The following CCDC57 variants were observed in gnomAD, a reference collection of about 807,000 sequenced individuals.
CCDC57 encodes coiled-coil domain-containing protein 57.
CCDC57 carries 118 observed loss-of-function variants against 118.9 expected under a neutral mutation model. That is an observed-to-expected ratio of 0.99 (90% confidence interval 0.86 to 1.16). The LOEUF is 1.16. Ranked by LOEUF, CCDC57 falls within the 50% of genes most tolerant of loss-of-function variation. The pLI, the probability that CCDC57 is intolerant of heterozygous loss-of-function variation, is 0.00. For missense variants in CCDC57, 1,300 were observed against 1,320.7 expected (o/e 0.98, Z 0.24); for synonymous variants, 527 against 532.9 (o/e 0.99, Z 0.15).
intron 2 of CCDC57, among the ~76,000 whole-genome samples, chr17:82,205,449 C>T (rs1291544939): frequency 6.6e-6 from 1 of 152,164 alleles, no homozygotes; most frequent in Non-Finnish European, 1.5e-5. Context: ...AAATAAAGTC[C>T]GATCTCCTTG....
intron 1 of CCDC57, among the ~76,000 whole-genome samples, chr17:82,211,264 A>C (rs529455098): frequency 6.6e-6 from 1 of 152,232 alleles, no homozygotes; most frequent in East Asian, 1.9e-4. Context: ...ATATGAAATC[A>C]ATTATGACAA....
rs759350359 is a variant in CCDC57, at chr17:82,127,689, T to C, written c.2899+3A>G. 3.8e-6 allele frequency: 6 copies of C among 1,596,954 alleles called. No homozygotes were observed. The Admixed American group carries it at 8.8e-5, about 24-fold the overall frequency. On this transcript the variant is annotated splice_donor_region_variant and intron_variant, in intron 19 of 19. Coordinates refer to ENST00000665763, the Ensembl canonical transcript of CCDC57. ...GCAGCTCCTGGGGAGGGCAGTCTCC[T>C]ACCTGGAGTTGAGTCACCCTGGGAG...
At chr17:82,143,943 CA>C (rs60893321) in intron 16 of CCDC57, among the ~76,000 whole-genome samples, 4,929 of 120,886 alleles carry the variant, frequency 0.041, 203 homozygotes, top group African/African-American at 0.13. Context: ...ACTAAAAATA[CA>C]AAAAAAAAAA....
At chr17:82,137,452 G>A (rs140674507) in intron 16 of CCDC57, among the ~76,000 whole-genome samples, 1,828 of 152,312 alleles carry the variant, frequency 0.012, 22 homozygotes, top group Middle Eastern at 0.02. Flanking sequence ...GACTTATTAT[G>A]TCTTGATGGT....
rs548439724 is a variant in CCDC57 at position 82,198,493 on chromosome 17, C to T, written c.408-71G>A. ...GCAAAGGTAATACATTTTCAAGGTG[C>T]ACTTGACATGTGAAAGTTGGTGCTT... is the stretch of plus-strand genomic sequence containing the variant. On this transcript the variant is annotated intron_variant, in intron 3 of 19. Coordinates refer to ENST00000665763, the Ensembl canonical transcript of CCDC57. 1.7e-4 allele frequency: 184 copies of T among 1,068,762 alleles called. No homozygotes were observed. The African/African-American group carries it at 2.7e-3, about 15-fold the overall frequency. The allele number at this position is 1,068,762 out of a possible 1,614,324, so 66.2% of individuals were successfully genotyped here. A position where few individuals can be genotyped will look rare whatever the true frequency, so the allele number is the denominator to read the frequency against.
At chr17:82,125,582 G>A (rs1423865836) in intron 19 of CCDC57, among the ~76,000 whole-genome samples, 1 of 152,016 alleles carries the variant, frequency 6.6e-6, no homozygotes, top group Non-Finnish European at 1.5e-5. Flanking sequence ...CACCATGTTG[G>A]CCAGGCTGGT....
chr17:82,107,580 G>A, intron 19 of CCDC57: 1 of 470,914 alleles, frequency 2.1e-6, no homozygotes, highest in Non-Finnish European at 4.4e-6. Context: ...TGTGAGGATG[G>A]GCGGATGGAG....
intron 19 of CCDC57, among the ~76,000 whole-genome samples, chr17:82,102,716 T>C (rs1426377074): frequency 6.6e-6 from 1 of 151,878 alleles, no homozygotes; most frequent in East Asian, 1.9e-4. Flanking sequence ...AAACGCCGTC[T>C]CTACTAAAAA....
intron 14 of CCDC57, among the ~76,000 whole-genome samples, chr17:82,158,415 C>T (rs1056263848): frequency 1.4e-4 from 21 of 152,216 alleles, no homozygotes; most frequent in African/African-American, 3.9e-4. Flanking sequence ...AGGCTGGGTG[C>T]GGTGGCTCAC....
In CCDC57 at chr17:82,143,125, A is replaced by G. The variant is rs117354010; in HGVS notation, c.2455+8435T>C. Among the ~76,000 whole-genome samples, 1,131 of 149,592 alleles carry G rather than the reference A, an allele frequency of 7.6e-3. 6 individuals are homozygous for G. The highest frequency in any genetic ancestry group is 0.013 in the Admixed American group (189 of 14,764). On this transcript the variant is annotated intron_variant, in intron 16 of 19. Transcript: ENST00000665763. Reference sequence around the variant, plus strand: ...TGTAGATCGCGCCATTGCACTCTACAATGGCAACAAGAGTGAAACTCCGTC... The same window carrying G: ...TGTAGATCGCGCCATTGCACTCTACGATGGCAACAAGAGTGAAACTCCGTC...
At chr17:82,114,632 C>T (rs989467604) in intron 19 of CCDC57, among the ~76,000 whole-genome samples, 6 of 152,116 alleles carry the variant, frequency 3.9e-5, no homozygotes, top group East Asian at 1.9e-4. Flanking sequence ...GGCTGGAGCT[C>T]GGCTGTCACG....
At chr17:82,120,780 G>A (rs1455546245) in intron 19 of CCDC57, among the ~76,000 whole-genome samples, 1 of 151,744 alleles carries the variant, frequency 6.6e-6, no homozygotes, top group East Asian at 1.9e-4. Context: ...TTTTGAGATG[G>A]AGTCTCACTC....
intron 19 of CCDC57, among the ~76,000 whole-genome samples, chr17:82,111,512 G>C (rs2035243150): frequency 1.3e-5 from 2 of 151,844 alleles, no homozygotes; most frequent in African/African-American, 4.8e-5. Context: ...CCAAGCAGCT[G>C]GGACCACAGA....
At chr17:82,194,112 C>A (rs35768211) in exon 6 of CCDC57, 1 of 1,613,820 alleles carries the variant, frequency 6.2e-7, no homozygotes, top group African/African-American at 1.3e-5. Context: ...TCCTTCAGAG[C>A]CTCCAGCTCT....
At chr17:82,128,688 GCCTTCCCA>G in intron 17 of CCDC57, 91 bp from the exon 17 acceptor site, 1 of 1,007,990 alleles carries the variant, frequency 9.9e-7, no homozygotes, top group Non-Finnish European at 1.5e-6. Flanking sequence ...GGGAAGAAAT[GCCTTCCCA>G]CATTTCTGGT....
chr17:82,138,290 A>G (rs1369236415), intron 16 of CCDC57, among the ~76,000 whole-genome samples: 1 of 151,340 alleles, frequency 6.6e-6, no homozygotes, highest in African/African-American at 2.4e-5. Context: ...CTGGGACTAC[A>G]GGTGCCCACC....
rs183306349 is a variant in CCDC57 at position 82,151,712 on chromosome 17, C to T, written c.2303G>A (p.Arg768Gln). 1.7e-4 allele frequency: 262 copies of T among 1,550,370 alleles called. 1 individual carries two copies. In the East Asian group the frequency reaches 5.4e-3, roughly 32 times the overall value. The change falls in exon 16 of 20, where the codon CGG (arginine) becomes CAG (glutamine). Residue 768 changes from arginine (R) to glutamine (Q), a missense_variant. Physicochemically the swap from Arg to Gln is conservative, Grantham distance 43. Transcript: ENST00000665763. ...GGTCTGGGGGGCACGTGCCACTGAC[C>T]GGAGGTGCAGGAAAAGCTCCCCCTG...
At chr17:82,143,318 T>C (rs1462558787) in intron 16 of CCDC57, among the ~76,000 whole-genome samples, 1 of 151,990 alleles carries the variant, frequency 6.6e-6, no homozygotes, top group Non-Finnish European at 1.5e-5. Flanking sequence ...AAACATTCAA[T>C]CTAAGAAATC....
chr17:82,171,825 T>G (rs373004087), exon 13 of CCDC57: 50 of 1,613,636 alleles, frequency 3.1e-5, no homozygotes, highest in African/African-American at 2.8e-4. Flanking sequence ...TTAGAGTTCG[T>G]ATTTCTGCTT....
Sources: gnomAD v4.1 joint callset for allele counts (sites outside exome capture counted in the v4.1 genomes callset) on GRCh38, gnomAD v4.1.1 for gene constraint, MANE v1.5 for transcripts, NCBI Gene and HGNC (gene_info 2026-07-23, HGNC 2026-07-21) for gene names.